The following DZIP3 variants were observed in gnomAD, a reference collection of about 807,000 sequenced individuals.
The protein encoded by DZIP3 is E3 ubiquitin-protein ligase DZIP3.
DZIP3 carries 118 observed loss-of-function variants against 162.0 expected under a neutral mutation model. The ratio of observed to expected loss-of-function variants is 0.73; its 90% CI spans 0.63 to 0.85. DZIP3 has a LOEUF of 0.85. DZIP3 is among the 40% of genes least tolerant of loss of function. The pLI, the probability that DZIP3 is intolerant of heterozygous loss-of-function variation, is 0.00. For missense variants in DZIP3, 1,331 were observed against 1,407.0 expected, an observed-to-expected ratio of 0.95 and a Z score of 0.86; for synonymous variants, 438 against 458.6, an observed-to-expected ratio of 0.96 and a Z score of 0.57.
At chr3:108,597,332 C>T (rs1939764341) in intron 1 of DZIP3, among the ~76,000 whole-genome samples, 1 of 151,778 alleles carries the variant, frequency 6.6e-6, no homozygotes, top group Admixed American at 6.6e-5. Context: ...TATATTCCCC[C>T]ATTTTCATAT....
At chr3:108,611,791 T>G (rs1940718592) in intron 4 of DZIP3, among the ~76,000 whole-genome samples, 1 of 151,850 alleles carries the variant, frequency 6.6e-6, no homozygotes. Context: ...ATGGTGAAAC[T>G]TGGTCTCTAC....
chr3:108,632,633 C>A (rs4855657), intron 8 of DZIP3, among the ~76,000 whole-genome samples: 31,928 of 151,998 alleles, frequency 0.21, 3,820 homozygotes, highest in East Asian at 0.45. Context: ...GCAAATAATT[C>A]TTGATAGGAA....
At chr3:108,598,706 A>C (rs929832221) in intron 1 of DZIP3, among the ~76,000 whole-genome samples, 1 of 152,164 alleles carries the variant, frequency 6.6e-6, no homozygotes, top group Non-Finnish European at 1.5e-5. Context: ...ATGTCTCAGG[A>C]TTCTCCCTTC....
intron 3 of DZIP3, 64 bp downstream of exon 3, chr3:108,608,222 C>A: frequency 2.3e-6 from 3 of 1,283,228 alleles, no homozygotes; most frequent in Non-Finnish European, 3.4e-6. Context: ...TATGCAAATG[C>A]AGTAATACAT....
chr3:108,614,658 C>T lies in DZIP3; in HGVS notation c.259-1883C>T, dbSNP rs1940905155. Among the ~76,000 whole-genome samples the T allele has an allele frequency of 2.6e-5, 4 of 152,092 alleles. No individual in the cohort carries two copies. In the South Asian group the frequency reaches 8.3e-4, roughly 32 times the overall value. ...TCTAGAACAGGAGAAAGCTACTTCT[C>T]ATGGCAGCTCAGAAGACCCAAGGAA... On this transcript the variant is annotated intron_variant, in intron 4 of 32. Transcript: ENST00000361582.
chr3:108,620,881 G>T (rs1239687870), intron 5 of DZIP3, among the ~76,000 whole-genome samples: 1 of 152,144 alleles, frequency 6.6e-6, no homozygotes, highest in Non-Finnish European at 1.5e-5. Flanking sequence ...GAATGCAGTG[G>T]CACGATCTCG....
At chr3:108,670,448 T>C (rs1292762018) in intron 22 of DZIP3, among the ~76,000 whole-genome samples, 1 of 151,956 alleles carries the variant, frequency 6.6e-6, no homozygotes, top group Non-Finnish European at 1.5e-5. Flanking sequence ...AATTCATTCA[T>C]GTTGTAGCAT....
At chr3:108,632,118 G>A (rs1345083062) in intron 8 of DZIP3, among the ~76,000 whole-genome samples, 8 of 152,094 alleles carry the variant, frequency 5.3e-5, no homozygotes, top group Non-Finnish European at 1.2e-4. Flanking sequence ...TTGAAATTTT[G>A]TAACACTATC....
chr3:108,657,896 T>C (rs1028050127), intron 19 of DZIP3, among the ~76,000 whole-genome samples: 5 of 152,052 alleles, frequency 3.3e-5, no homozygotes, highest in East Asian at 1.9e-4. Flanking sequence ...ACAAAGAAGG[T>C]CTTTACATAA....
intron 19 of DZIP3, among the ~76,000 whole-genome samples, chr3:108,655,460 C>A (rs537498060): frequency 7.0e-4 from 107 of 152,148 alleles, no homozygotes; most frequent in African/African-American, 2.5e-3. Context: ...TTGGTTCTTA[C>A]AACAATAAAA....
rs1941027683 is a variant in DZIP3 at position 108,616,580 on chromosome 3, G to A, written c.298G>A (p.Val100Ile). The A allele has an allele frequency of 1.2e-6, 2 of 1,610,166 alleles. No homozygotes were observed. The highest frequency in any genetic ancestry group is 1.1e-5 in the South Asian group (1 of 90,526). The change falls in exon 5 of 33, where the codon GTT (valine) becomes ATT (isoleucine). Residue 100 changes from valine to isoleucine, a missense_variant. Around this residue, in one of 2 missense-constraint regions of DZIP3, gnomAD observed 1,278 missense variants for 1,317.1 expected, o/e 0.97. Transcript: ENST00000361582. ...AANSQNGEEI[V>I]PALTLRFLIT... ...TAACAGCCAGAATGGTGAGGAAATT[G>A]TTCCTGCTTTGACTTTACGTTTCTT...
intron 24 of DZIP3, among the ~76,000 whole-genome samples, chr3:108,675,295 T>G (rs1194046721): frequency 2.0e-5 from 3 of 152,062 alleles, no homozygotes; most frequent in Non-Finnish European, 4.4e-5. Context: ...CGTACTCAAA[T>G]AGAAGATATT....
intron 19 of DZIP3, among the ~76,000 whole-genome samples, chr3:108,659,908 A>C (rs1183427746): frequency 1.5e-4 from 22 of 150,710 alleles, no homozygotes; most frequent in South Asian, 4.2e-4. Context: ...AGAGAATAAA[A>C]TACCTAGGAA....
chr3:108,629,410 C>T (rs1941727742), intron 8 of DZIP3, among the ~76,000 whole-genome samples: 1 of 152,168 alleles, frequency 6.6e-6, no homozygotes, highest in Admixed American at 6.5e-5. Flanking sequence ...GGCCAGTACC[C>T]TGCATGGTTA....
Position 108,688,694 on chromosome 3 carries a change from C to T in DZIP3, c.3372C>T (p.Leu1124=). 1 of 1,614,086 alleles carries T rather than the reference C, an allele frequency of 6.2e-7. No individual in the cohort carries two copies. ...AQPPKPAWRP[L]TSQGPATWEG... ...CCCCAAAACCAGCCTGGAGGCCACT[C>T]ACTTCACAGGGTCCTGCCACATGGG... Residue 1124 remains leucine (L), a synonymous_variant, in exon 30 of 33, where the codon CTC becomes CTT. Coordinates refer to ENST00000361582, the MANE Select transcript of DZIP3 (RefSeq NM_014648.4).
At chr3:108,664,885 T>G (rs1238756191) in intron 21 of DZIP3, among the ~76,000 whole-genome samples, 24 of 152,180 alleles carry the variant, frequency 1.6e-4, no homozygotes, top group Admixed American at 1.6e-3. Context: ...CTTGTACATC[T>G]CTCGTCTGCA....
intron 1 of DZIP3, among the ~76,000 whole-genome samples, chr3:108,599,534 C>T (rs1939883765): frequency 6.6e-6 from 1 of 152,176 alleles, no homozygotes; most frequent in South Asian, 2.1e-4. Context: ...CTAATGGCCT[C>T]AGCCATTTTT....
intron 4 of DZIP3, among the ~76,000 whole-genome samples, chr3:108,612,374 T>C (rs986448768): frequency 1.4e-4 from 21 of 152,192 alleles, no homozygotes; most frequent in African/African-American, 4.3e-4. Flanking sequence ...CGAGATAATT[T>C]ACCACAGTAT....
intron 1 of DZIP3, among the ~76,000 whole-genome samples, chr3:108,605,109 C>T (rs1386756704): frequency 1.3e-5 from 2 of 152,048 alleles, no homozygotes; most frequent in Non-Finnish European, 2.9e-5. Context: ...TGGGGTAGAA[C>T]ATCTTTTATT....
Sources: gnomAD v4.1 joint callset for allele counts (sites outside exome capture counted in the v4.1 genomes callset) on GRCh38, gnomAD v4.1.1 for gene constraint, gnomAD v4.1.1 regional missense constraint, MANE v1.5 for transcripts, NCBI Gene and HGNC (gene_info 2026-07-23, HGNC 2026-07-21) for gene names.